Variants in PEBP4 observed in about 807,000 individuals in gnomAD.
The protein encoded by PEBP4 is phosphatidylethanolamine-binding protein 4.
PEBP4 carries 22 observed loss-of-function variants against 23.9 expected under a neutral mutation model. The ratio of observed to expected loss-of-function variants is 0.92; its 90% CI spans 0.66 to 1.31. PEBP4 has a LOEUF of 1.31. Among genes scored for constraint, PEBP4 ranks in the 40% most tolerant of loss-of-function variants. The pLI is 0.00. For missense variants in PEBP4, 324 were observed against 281.7 expected (o/e 1.15, Z -1.07); for synonymous variants, 112 against 99.3 (o/e 1.13, Z -0.76).
At chr8:22,866,885 G>C (rs1807914546) in intron 3 of PEBP4, among the ~76,000 whole-genome samples, 1 of 152,172 alleles carries the variant, frequency 6.6e-6, no homozygotes, top group South Asian at 2.1e-4. Context: ...GTGTGAGTTT[G>C]CCCTAGTGGA....
At chr8:22,939,633 G>A (rs373856719) in intron 1 of PEBP4, among the ~76,000 whole-genome samples, 6 of 151,744 alleles carry the variant, frequency 4.0e-5, no homozygotes, top group East Asian at 2.0e-4. Context: ...AGAGATGTTC[G>A]CTTTCCTTCT....
chr8:22,745,251 T>A (rs897325145), intron 4 of PEBP4, among the ~76,000 whole-genome samples: 2 of 152,186 alleles, frequency 1.3e-5, no homozygotes, highest in African/African-American at 4.8e-5. Flanking sequence ...CAGTGCCCTC[T>A]CGACTTAGGG....
rs758070580 is a variant in PEBP4 at position 22,724,875 on chromosome 8, A to T, written c.485T>A (p.Ile162Asn). 9.3e-6 allele frequency: 15 copies of T among 1,613,916 alleles called. No individual in the cohort carries two copies. Among genetic ancestry groups the T allele is most frequent in the Non-Finnish European group, 1.2e-5 (14 of 1,179,930 alleles). Residue 162 changes from isoleucine to asparagine, a missense_variant, in exon 6 of 7, where the codon ATC (isoleucine) becomes AAC (asparagine). Coordinates refer to ENST00000256404, the MANE Select transcript of PEBP4 (RefSeq NM_144962.3). ...FFVYLQEGKV[I>N]SLLPKENKTR... Reference sequence around the variant, plus strand: ...TTTGTTTTCCTTGGGAAGGAGAGAGATGACTTTTCCTTCCTGAAGATAGAC... The same window carrying T: ...TTTGTTTTCCTTGGGAAGGAGAGAGTTGACTTTTCCTTCCTGAAGATAGAC...
At chr8:22,916,645 G>GTCATTCATTCATTCAT (rs57062493) in intron 3 of PEBP4, among the ~76,000 whole-genome samples, 136 of 151,834 alleles carry the variant, frequency 9.0e-4, no homozygotes, top group African/African-American at 3.1e-3. Context: ...TCTCCCACAT[G>GTCATTCATTCATTCAT]TCATTCATTC....
At chr8:22,758,918 G>A (rs530553803) in intron 4 of PEBP4, among the ~76,000 whole-genome samples, 14 of 152,244 alleles carry the variant, frequency 9.2e-5, no homozygotes, top group Admixed American at 5.9e-4. Context: ...AGTGAAGTCC[G>A]GGGCTTATGT....
intron 3 of PEBP4, among the ~76,000 whole-genome samples, chr8:22,822,354 AGTGTGT>A (rs34500729): frequency 6.8e-6 from 1 of 147,854 alleles, no homozygotes; most frequent in East Asian, 2.0e-4. Flanking sequence ...TATATACTAA[AGTGTGT>A]GTGTGTGTGT....
rs533208035 is a variant in PEBP4 at position 22,775,183 on chromosome 8, G to T, written c.357+42454C>A. On this transcript the variant is annotated intron_variant, in intron 4 of 6. Transcript: ENST00000256404. This position sits in a 1 kb window ranked among gnomAD's most constrained non-coding sequence, Gnocchi z 4.8. ...TCTAAGGTCATGTTCTAGGTTTTAG[G>T]GCTCCCCTCTCTTCCTTCTCCATAT... 6.6e-6 allele frequency among the ~76,000 whole-genome samples: 1 copy of T among 152,304 alleles called. No individual in the cohort carries two copies. The highest frequency in any genetic ancestry group is 1.5e-5 in the Non-Finnish European group (1 of 68,022).
chr8:22,810,646 C>T (rs1216490456), intron 4 of PEBP4, among the ~76,000 whole-genome samples: 2 of 148,294 alleles, frequency 1.3e-5, no homozygotes, highest in South Asian at 2.1e-4. Context: ...CTGTGCTGTT[C>T]CCTTTGGGGT....
At chr8:22,830,178 GGA>G (rs1807056411) in intron 3 of PEBP4, among the ~76,000 whole-genome samples, 1 of 150,094 alleles carries the variant, frequency 6.7e-6, no homozygotes, top group South Asian at 2.1e-4. Flanking sequence ...TTGTCAGGCT[GGA>G]GTGTAGTGGT....
rs1805491413 is a variant in PEBP4, at chr8:22,760,766, G to A, written c.358-33546C>T. 2.0e-5 allele frequency among the ~76,000 whole-genome samples: 3 copies of A among 152,102 alleles called. No homozygotes were observed. The South Asian group carries it at 6.3e-4, about 32-fold the overall frequency. On this transcript the variant is annotated intron_variant, in intron 4 of 6. Transcript: ENST00000256404. ...GCATTCTAAGTCCACAATACGAGAA[G>A]GCTTGTGCAAACCCCCAGACAACTA... is the stretch of plus-strand genomic sequence containing the variant.
chr8:22,877,477 C>T (rs1808145550), intron 3 of PEBP4, among the ~76,000 whole-genome samples: 1 of 152,180 alleles, frequency 6.6e-6, no homozygotes, highest in African/African-American at 2.4e-5. Flanking sequence ...TGGGCAGAGC[C>T]AGCCAGAGCC....
intron 4 of PEBP4, among the ~76,000 whole-genome samples, chr8:22,786,163 G>A (rs1457270133): frequency 6.6e-6 from 1 of 152,152 alleles, no homozygotes; most frequent in Admixed American, 6.5e-5. Context: ...GTTCTGGAGG[G>A]GCTCTGGATT....
At chr8:22,734,016 GCTCT>G (rs1296692291) in intron 4 of PEBP4, among the ~76,000 whole-genome samples, 1 of 152,248 alleles carries the variant, frequency 6.6e-6, no homozygotes, top group Non-Finnish European at 1.5e-5. Context: ...AGAGTTCCAA[GCTCT>G]CTGACACTGG....
intron 2 of PEBP4, chr8:22,924,707 G>T (rs1031233126): frequency 1.0e-6 from 1 of 985,386 alleles, no homozygotes; most frequent in Non-Finnish European, 1.2e-6. Context: ...CTGGATGGCA[G>T]CAGCAGGTGG....
At chr8:22,870,607 A>G (rs76604647) in intron 3 of PEBP4, among the ~76,000 whole-genome samples, 1,617 of 152,314 alleles carry the variant, frequency 0.011, 20 homozygotes, top group Non-Finnish European at 0.018. Flanking sequence ...TGACATGTCA[A>G]TGTAGGTTCC....
intron 4 of PEBP4, among the ~76,000 whole-genome samples, chr8:22,808,249 A>C (rs946991892): frequency 2.0e-5 from 3 of 151,166 alleles, no homozygotes; most frequent in Non-Finnish European, 3.0e-5. Context: ...CCATCCATCC[A>C]TCCCTCCATC....
chr8:22,817,170 G>A lies in PEBP4; in HGVS notation c.357+467C>T, dbSNP rs565584025. On this transcript the variant is annotated intron_variant, in intron 4 of 6. Coordinates refer to ENST00000256404, the MANE Select transcript of PEBP4 (RefSeq NM_144962.3). The stretch of plus-strand genomic sequence containing the variant: ...AAGGAAGTTGCTGTGCCTCTCTCAT[G>A]CCCCATGCCCCATCATGGGGAGGAG... Among the ~76,000 whole-genome samples the A allele has an allele frequency of 9.2e-5, 14 of 152,302 alleles. No individual in the cohort carries two copies. The South Asian group carries it at 2.9e-3, about 32-fold the overall frequency.
At chr8:22,916,445 T>C (rs1809073867) in intron 3 of PEBP4, among the ~76,000 whole-genome samples, 1 of 152,228 alleles carries the variant, frequency 6.6e-6, no homozygotes, top group Non-Finnish European at 1.5e-5. Context: ...TGCCTTCTCA[T>C]GAACCTGCCT....
chr8:22,726,569 A>G (rs895276603), intron 5 of PEBP4, among the ~76,000 whole-genome samples: 3 of 152,248 alleles, frequency 2.0e-5, no homozygotes, highest in African/African-American at 7.2e-5. Context: ...AAGGGTTCAC[A>G]CATGCTAGAC....
Sources: gnomAD v4.1 joint callset for allele counts (sites outside exome capture counted in the v4.1 genomes callset) on GRCh38, gnomAD v4.1.1 for gene constraint, Gnocchi (gnomAD v3.1) non-coding constraint, MANE v1.5 for transcripts, NCBI Gene and HGNC (gene_info 2026-07-23, HGNC 2026-07-21) for gene names.